EFCAB8: variants seen among roughly 807,000 people sequenced by gnomAD.
EFCAB8 encodes EF-hand calcium-binding domain-containing protein 8.
A neutral mutation model predicts 116.3 loss-of-function variants in EFCAB8; 100 were observed. That is an observed-to-expected ratio of 0.86 (90% CI 0.73 to 1.02). The LOEUF is 1.02. Ranked by LOEUF, EFCAB8 falls within the 50% of genes least tolerant of loss-of-function variation. The pLI, the probability that EFCAB8 is intolerant of heterozygous loss-of-function variation, is 0.00. For missense variants in EFCAB8, 1,320 were observed against 1,416.9 expected (o/e 0.93, Z 1.10); for synonymous variants, 558 against 567.9 (o/e 0.98, Z 0.25).
At chr20:32,913,285 A>C (rs1245297681) in intron 17 of EFCAB8, among the ~76,000 whole-genome samples, 1 of 152,108 alleles carries the variant, frequency 6.6e-6, no homozygotes, top group Non-Finnish European at 1.5e-5. Context: ...CTACTTCCTG[A>C]TTCATAGACA....
At chr20:32,941,496 A>C (rs1451157624) in intron 22 of EFCAB8, among the ~76,000 whole-genome samples, 1 of 133,458 alleles carries the variant, frequency 7.5e-6, no homozygotes, top group Non-Finnish European at 1.7e-5. Flanking sequence ...AAATGGATAA[A>C]GTGTGGTATG....
chr20:32,898,328 G>A (rs780294645), intron 10 of EFCAB8, 165 bp from the exon 11 acceptor site: 10 of 570,302 alleles, frequency 1.8e-5, no homozygotes, highest in Non-Finnish European at 3.2e-5. Context: ...CATAGGACCT[G>A]GGCTAGGATT....
At chr20:32,948,564 GAAAGAA>G (rs922137716) in intron 23 of EFCAB8, among the ~76,000 whole-genome samples, 5 of 145,094 alleles carry the variant, frequency 3.4e-5, no homozygotes, top group African/African-American at 8.1e-5. Flanking sequence ...AAGAAAGAAA[GAAAGAA>G]AGAAAGAAAG....
In EFCAB8 at chr20:32,907,745, G is replaced by T. The variant is rs191126333; in HGVS notation, c.1309-530G>T. 2.3e-4 allele frequency among the ~76,000 whole-genome samples: 35 copies of T among 152,318 alleles called. No homozygotes were observed. In the East Asian group the frequency reaches 6.8e-3, roughly 29 times the overall value. ...AGTCTGGGGCATGGGGACAGGGACA[G>T]TCTCGCTGAGGTCCCCAGTCGGCCA... On this transcript the variant is annotated intron_variant, in intron 13 of 26. Transcript: ENST00000400522.
chr20:32,899,275 A>G (rs896734300), intron 11 of EFCAB8, among the ~76,000 whole-genome samples: 6 of 151,098 alleles, frequency 4.0e-5, no homozygotes, highest in East Asian at 2.0e-4. Context: ...CGTGGTGGTA[A>G]GCACCTGTAG....
chr20:32,908,102 A>G (rs1266141426), intron 13 of EFCAB8, among the ~76,000 whole-genome samples, 173 bp from the exon 14 acceptor site: 1 of 152,140 alleles, frequency 6.6e-6, no homozygotes, highest in Admixed American at 6.5e-5. Context: ...TGAGCACAAG[A>G]GTAGCCTCTC....
chr20:32,945,988 G>C (rs1243175442), intron 23 of EFCAB8, among the ~76,000 whole-genome samples: 1 of 152,198 alleles, frequency 6.6e-6, no homozygotes, highest in Non-Finnish European at 1.5e-5. Context: ...GTCTGAGAGA[G>C]GCAAGACAGA....
rs1302412103 is a variant in EFCAB8, at chr20:32,961,452, C to T, written c.3710C>T (p.Ala1237Val). 6.9e-7 allele frequency: 1 copy of T among 1,454,688 alleles called. No homozygotes were observed. Among genetic ancestry groups the T allele is most frequent in the African/African-American group, 1.4e-5 (1 of 69,750 alleles). 90.1% of individuals were successfully genotyped at this position (1,454,688 alleles called of 1,614,324 possible). A position where few individuals can be genotyped will look rare whatever the true frequency, so the allele number is the denominator to read the frequency against. ...CTGCGGCCCCAGTCAGCCTCCACAG[C>T]CCATTCCACCCCCTCGGTCCCATCC... ...FLLRPQSAST[A>V]HSTPSVPSPV... The change falls in exon 27 of 27, where the codon GCC becomes GTC. Residue 1237 changes from alanine (A) to valine (V), a missense_variant. Coordinates refer to ENST00000400522, the MANE Select transcript of EFCAB8 (RefSeq NM_001143967.2).
At chr20:32,876,604 T>C (rs1984988772) in intron 4 of EFCAB8, among the ~76,000 whole-genome samples, 1 of 152,258 alleles carries the variant, frequency 6.6e-6, no homozygotes, top group African/African-American at 2.4e-5. Context: ...CACCAAGCAC[T>C]GTGCTAAGCT....
intron 20 of EFCAB8, among the ~76,000 whole-genome samples, chr20:32,923,687 G>A (rs532719924): frequency 5.3e-5 from 8 of 151,974 alleles, no homozygotes; most frequent in Non-Finnish European, 8.8e-5. Flanking sequence ...TTTTTCACTG[G>A]ATAATATCAT....
intron 14 of EFCAB8, among the ~76,000 whole-genome samples, chr20:32,909,480 C>T (rs1281700309): frequency 1.3e-5 from 2 of 152,230 alleles, no homozygotes; most frequent in South Asian, 2.1e-4. Flanking sequence ...TCCTTAGCCT[C>T]GCCTGGGGCA....
At chr20:32,921,700 C>CTTTT (rs11472143) in intron 20 of EFCAB8, among the ~76,000 whole-genome samples, 2 of 147,048 alleles carry the variant, frequency 1.4e-5, no homozygotes, top group Non-Finnish European at 3.0e-5. Context: ...TAGCCTTGTA[C>CTTTT]TTTTTTTTTT....
intron 5 of EFCAB8, among the ~76,000 whole-genome samples, chr20:32,882,665 T>A (rs1185331656): frequency 6.6e-6 from 1 of 151,854 alleles, no homozygotes; most frequent in Non-Finnish European, 1.5e-5. Context: ...GGATTACAGG[T>A]GGCCGCCACC....
At position 32,953,412 on chromosome 20, in the gene EFCAB8, C is replaced by G. The variant is rs541832853; in HGVS notation, c.2960-5009C>G. Among the ~76,000 whole-genome samples the G allele has an allele frequency of 7.2e-5, 11 of 152,288 alleles. No homozygotes were observed. The South Asian group carries it at 2.1e-3, about 29-fold the overall frequency. On this transcript the variant is annotated intron_variant, in intron 23 of 26. Coordinates refer to ENST00000400522, the MANE Select transcript of EFCAB8 (RefSeq NM_001143967.2). ...TTTGAGGAACCTCCATACTGTTTTC[C>G]ATAGCACATGTACCATTTTATAATC...
chr20:32,893,093 G>A, intron 8 of EFCAB8, 81 bp from the exon 9 acceptor site: 2 of 1,511,082 alleles, frequency 1.3e-6, no homozygotes, highest in Admixed American at 2.0e-5. Flanking sequence ...AACCTACCTT[G>A]GCCTCCCAGA....
intron 23 of EFCAB8, among the ~76,000 whole-genome samples, chr20:32,955,929 A>G (rs996302453): frequency 1.3e-5 from 2 of 152,118 alleles, no homozygotes; most frequent in African/African-American, 4.8e-5. Flanking sequence ...ATCCTGTCTG[A>G]CAATCTTTAC....
At chr20:32,953,914 G>A (rs1055923906) in intron 23 of EFCAB8, among the ~76,000 whole-genome samples, 8 of 152,074 alleles carry the variant, frequency 5.3e-5, no homozygotes, top group African/African-American at 1.4e-4. Context: ...GGGTTCAAGC[G>A]ATCCTCCTGC....
chr20:32,903,916 C>A (rs754846499), intron 11 of EFCAB8, among the ~76,000 whole-genome samples: 1 of 152,106 alleles, frequency 6.6e-6, no homozygotes, highest in Non-Finnish European at 1.5e-5. Flanking sequence ...TTAGGCCCCC[C>A]GGGAGTGGTG....
intron 3 of EFCAB8, among the ~76,000 whole-genome samples, chr20:32,869,282 G>A (rs1054892386): frequency 6.6e-5 from 10 of 151,696 alleles, no homozygotes; most frequent in Non-Finnish European, 1.3e-4. Flanking sequence ...TTGTTGCCCA[G>A]GCTGGAGTGC....
Sources: gnomAD v4.1 joint callset for allele counts (sites outside exome capture counted in the v4.1 genomes callset) on GRCh38, gnomAD v4.1.1 for gene constraint, MANE v1.5 for transcripts, NCBI Gene and HGNC (gene_info 2026-07-23, HGNC 2026-07-21) for gene names.